Variants in AHDC1 observed in about 807,000 individuals in gnomAD.
AHDC1 encodes AT-hook DNA binding motif containing 1.
AHDC1 carries 7 observed loss-of-function variants against 87.9 expected under a neutral mutation model. That is an observed-to-expected ratio of 0.08 (90% CI 0.05 to 0.15). AHDC1 has a LOEUF of 0.15. Ranked by LOEUF, AHDC1 falls within the 10% of genes least tolerant of loss-of-function variation. The pLI is 1.00. For synonymous variants in AHDC1, 1,051 were observed against 1,006.8 expected (o/e 1.04, Z -0.83); for missense variants, 1,841 against 2,253.2 (o/e 0.82, Z 3.70).
chr1:27,563,494 C>T lies in AHDC1; in HGVS notation c.-628-4611G>A, dbSNP rs919813990. ...CTCCCTGCAGACTGTGGGATGGGTA[C>T]ACAACATGTCACCTCCCCGGCTGCC... On this transcript the variant is annotated intron_variant, in intron 3 of 8. Transcript: ENST00000673934. This position sits in a 1 kb window ranked among gnomAD's most constrained non-coding sequence, Gnocchi z 6.1. 6.6e-6 allele frequency among the ~76,000 whole-genome samples: 1 copy of T among 152,224 alleles called. No individual in the cohort carries two copies. Among genetic ancestry groups the T allele is most frequent in the Non-Finnish European group, 1.5e-5 (1 of 68,036 alleles).
intron 3 of AHDC1, among the ~76,000 whole-genome samples, chr1:27,596,728 C>G (rs2089383374): frequency 6.6e-6 from 1 of 152,058 alleles, no homozygotes; most frequent in Non-Finnish European, 1.5e-5. Flanking sequence ...CTTAAACCTT[C>G]ATATATGTAC....
intron 3 of AHDC1, among the ~76,000 whole-genome samples, chr1:27,594,959 TGGCTGA>T (rs1367044003): frequency 1.3e-5 from 2 of 151,376 alleles, no homozygotes; most frequent in Admixed American, 6.6e-5. Flanking sequence ...GGCCCTTAGG[TGGCTGA>T]GGAAAAGTAC....
rs1001214090 is a variant in AHDC1 at position 27,563,170 on chromosome 1, T to C, written c.-628-4287A>G. The stretch of plus-strand genomic sequence containing the variant: ...ACACCCACACAAAGAACCTGTCACA[T>C]AGTTGACCAAGACACACACACATGC... On this transcript the variant is annotated intron_variant, in intron 3 of 8. Coordinates refer to ENST00000673934, the MANE Select transcript of AHDC1 (RefSeq NM_001371928.1). This position sits in a 1 kb window ranked among gnomAD's most constrained non-coding sequence, Gnocchi z 6.1. 4.1e-5 allele frequency among the ~76,000 whole-genome samples: 6 copies of C among 144,654 alleles called. No individual in the cohort carries two copies. The highest frequency in any genetic ancestry group is 2.2e-4 in the South Asian group (1 of 4,530). The allele number at this position is 144,654 out of a possible 152,430, so 94.9% of individuals were successfully genotyped here.
intron 5 of AHDC1, among the ~76,000 whole-genome samples, chr1:27,557,844 C>T (rs1225985137): frequency 6.6e-6 from 1 of 152,212 alleles, no homozygotes; most frequent in Admixed American, 6.5e-5. Context: ...CGCTCCCCAG[C>T]CCAGTCCACT....
At chr1:27,578,765 C>T (rs1428669013) in intron 3 of AHDC1, among the ~76,000 whole-genome samples, 3 of 150,694 alleles carry the variant, frequency 2.0e-5, no homozygotes, top group East Asian at 3.9e-4. Flanking sequence ...GGCGCTATCT[C>T]GGCTCACTGC....
chr1:27,557,163 G>GCGC (rs1486147407), intron 5 of AHDC1, among the ~76,000 whole-genome samples: 1 of 150,882 alleles, frequency 6.6e-6, no homozygotes, highest in African/African-American at 2.4e-5. Flanking sequence ...AGGTGTGTGG[G>GCGC]CGCCACCGCC....
Position 27,547,336 on chromosome 1 carries a change from G to A in AHDC1, c.4780C>T (p.Pro1594Ser), listed in dbSNP as rs138077923. The A allele has an allele frequency of 5.8e-6, 9 of 1,554,168 alleles. No individual in the cohort carries two copies. The highest frequency in any genetic ancestry group is 7.8e-6 in the Non-Finnish European group (9 of 1,153,220). The change falls in exon 8 of 9, where the codon CCC becomes TCC. Residue 1594 changes from proline to serine, a missense_variant. This residue lies in a region of AHDC1 where 505 missense variants were observed against 626.2 expected (regional missense o/e 0.81). Coordinates refer to ENST00000673934, the MANE Select transcript of AHDC1 (RefSeq NM_001371928.1). The surrounding 1 kb of genome is among the most constrained non-coding windows in gnomAD (Gnocchi z 4.9). Reference sequence around the variant, plus strand: ...GATGTGACGGTGAATGTGTCCTCGGGGTGAGGTTCCGCCATGGGCCCCAGG... The same window carrying A: ...GATGTGACGGTGAATGTGTCCTCGGAGTGAGGTTCCGCCATGGGCCCCAGG... ...GFLGPMAEPH[P>S]EDTFTVTSL
In AHDC1 at chr1:27,550,997, G is replaced by A; in HGVS notation, c.1119C>T (p.Pro373=). 1 of 1,574,376 alleles carries A rather than the reference G, an allele frequency of 6.4e-7. No individual in the cohort carries two copies. The highest frequency in any genetic ancestry group is 8.6e-7 in the Non-Finnish European group (1 of 1,167,174). Residue 373 remains proline, a synonymous_variant, in exon 8 of 9, where the codon CCC becomes CCT. Transcript: ENST00000673934. ...ACTTGGGGTGACCCTCAGGCCCGGG[G>A]GGGCCGTGCGGTGAGCACAAGTCCA... ...LRLDLCSPHG[P]PGPEGHPKYA... is the part of the protein sequence containing the mutation.
chr1:27,575,713 C>CG (rs1014302695), intron 3 of AHDC1, among the ~76,000 whole-genome samples: 2 of 151,602 alleles, frequency 1.3e-5, no homozygotes, highest in Non-Finnish European at 3.0e-5. Flanking sequence ...CGGGTAGCCA[C>CG]GTCTGGCCGG....
At chr1:27,571,903 G>C (rs1442186403) in intron 3 of AHDC1, among the ~76,000 whole-genome samples, 1 of 152,162 alleles carries the variant, frequency 6.6e-6, no homozygotes, top group Non-Finnish European at 1.5e-5. Flanking sequence ...CAGCAGCCGC[G>C]TGAATGGAAA....
chr1:27,537,092 C>T (rs1241596419), intron 8 of AHDC1, among the ~76,000 whole-genome samples: 2 of 152,148 alleles, frequency 1.3e-5, no homozygotes, highest in African/African-American at 2.4e-5. Context: ...GCAGAATCTT[C>T]GGGATGGGAA....
At position 27,549,784 on chromosome 1, in the gene AHDC1, G is replaced by A. The variant is rs1480852509; in HGVS notation, c.2332C>T (p.Pro778Ser). ...WAGDKGGGWAPHHGHPGGQAG... is the reference protein window; with the variant it reads ...WAGDKGGGWASHHGHPGGQAG... ...TGTCCGCCTGGGTGCCCATGGTGAG[G>A]GGCCCAGCCACCACCCTTATCCCCG... Residue 778 changes from proline (P) to serine (S), a missense_variant, in exon 8 of 9, where the codon CCT becomes TCT. Transcript: ENST00000673934. The A allele has an allele frequency of 1.2e-6, 2 of 1,613,340 alleles. No homozygotes were observed. The highest frequency in any genetic ancestry group is 1.7e-6 in the Non-Finnish European group (2 of 1,179,958).
rs1254104335 is a variant in AHDC1 at position 27,547,984 on chromosome 1, T to C, written c.4132A>G (p.Lys1378Glu). The change falls in exon 8 of 9, where the codon AAG becomes GAG. Residue 1378 changes from lysine (K) to glutamate (E), a missense_variant. Lys to Glu is a moderately conservative substitution (Grantham distance 56). Transcript: ENST00000673934. This position sits in a 1 kb window ranked among gnomAD's most constrained non-coding sequence, Gnocchi z 4.9. ...PSLGAPELDG[K>E]HFPPLAHPPT... ...GGGTGGGCCAGCGGTGGGAAATGCT[T>C]GCCATCAAGCTCGGGAGCACCCAGG... The C allele has an allele frequency of 1.2e-6, 2 of 1,605,196 alleles. No individual in the cohort carries two copies. The highest frequency in any genetic ancestry group is 1.7e-6 in the Non-Finnish European group (2 of 1,173,698).
intron 8 of AHDC1, among the ~76,000 whole-genome samples, chr1:27,543,281 G>A (rs1256299966): frequency 6.6e-6 from 1 of 152,208 alleles, no homozygotes; most frequent in African/African-American, 2.4e-5. Context: ...GTCTGATAGG[G>A]TCGATCTTTA....
rs965171594 is a variant in AHDC1, at chr1:27,563,769, C to T, written c.-628-4886G>A. ...GGAGGGGAGGTGCTGTGGCTTCCCG[C>T]CCAGTGGCGGGTGCTGGGGGAGAGG... On this transcript the variant is annotated intron_variant, in intron 3 of 8. Transcript: ENST00000673934. This position sits in a 1 kb window ranked among gnomAD's most constrained non-coding sequence, Gnocchi z 6.1. 2.0e-5 allele frequency among the ~76,000 whole-genome samples: 3 copies of T among 152,142 alleles called. No individual in the cohort carries two copies. Among genetic ancestry groups the T allele is most frequent in the African/African-American group, 7.2e-5 (3 of 41,420 alleles).
intron 3 of AHDC1, among the ~76,000 whole-genome samples, chr1:27,566,895 G>A (rs923937055): frequency 6.6e-6 from 1 of 151,944 alleles, no homozygotes; most frequent in African/African-American, 2.4e-5. Flanking sequence ...ACAGTCTGCT[G>A]GCACTTGGAG....
chr1:27,549,778 G>C lies in AHDC1; in HGVS notation c.2338C>G (p.His780Asp). The C allele has an allele frequency of 6.2e-7, 1 of 1,613,302 alleles. No individual in the cohort carries two copies. The highest frequency in any genetic ancestry group is 8.5e-7 in the Non-Finnish European group (1 of 1,179,948). Residue 780 changes from histidine (H) to aspartate (D), a missense_variant, in exon 8 of 9, where the codon CAT becomes GAT. This residue lies in a region of AHDC1 where 236 missense variants were observed against 257.9 expected (regional missense o/e 0.92). Coordinates refer to ENST00000673934, the MANE Select transcript of AHDC1 (RefSeq NM_001371928.1). Reference protein sequence around the residue: ...GDKGGGWAPHHGHPGGQAGRN... With the variant: ...GDKGGGWAPHDGHPGGQAGRN... ...CCAGCTTGTCCGCCTGGGTGCCCAT[G>C]GTGAGGGGCCCAGCCACCACCCTTA...
intron 3 of AHDC1, among the ~76,000 whole-genome samples, chr1:27,566,233 T>C (rs1488795532): frequency 6.6e-6 from 1 of 151,184 alleles, no homozygotes; most frequent in African/African-American, 2.4e-5. Flanking sequence ...GACAGAAAGA[T>C]GAAGGACACT....
At chr1:27,587,422 C>T (rs1264529496) in intron 3 of AHDC1, among the ~76,000 whole-genome samples, 2 of 152,222 alleles carry the variant, frequency 1.3e-5, no homozygotes, top group African/African-American at 4.8e-5. Context: ...CTCAACCAAC[C>T]TCAGTTCCTG....
Sources: gnomAD v4.1 joint callset for allele counts (sites outside exome capture counted in the v4.1 genomes callset) on GRCh38, gnomAD v4.1.1 for gene constraint, gnomAD v4.1.1 regional missense constraint, Gnocchi (gnomAD v3.1) non-coding constraint, MANE v1.5 for transcripts, NCBI Gene and HGNC (gene_info 2026-07-23, HGNC 2026-07-21) for gene names.